The following PATL1 variants were observed in gnomAD, a reference collection of about 807,000 sequenced individuals.
PATL1 encodes the protein protein PAT1 homolog 1.
In PATL1, 32 loss-of-function variants were observed where a neutral mutation model predicts 100.6. The observed-to-expected ratio is 0.32, with a 90% confidence interval of 0.24 to 0.43. The LOEUF (loss-of-function observed/expected upper bound fraction) is 0.43, where lower values mean the gene tolerates loss of function less well. Ranked by LOEUF, PATL1 falls within the 20% of genes least tolerant of loss-of-function variation. PATL1 has a pLI of 1.00. For synonymous variants in PATL1, 332 were observed against 330.0 expected (o/e 1.01, Z -0.07); for missense variants, 747 against 949.9 (o/e 0.79, Z 2.81).
chr11:59,637,969 C>A lies in PATL1; in HGVS notation c.*421G>T. Reference sequence around the variant, plus strand: ...TATATCTTGATTTCTACTTAATTGGCTCTTCTATAGTCATATTAATATGGG... The same window carrying A: ...TATATCTTGATTTCTACTTAATTGGATCTTCTATAGTCATATTAATATGGG... On this transcript the variant is annotated 3_prime_UTR_variant, in exon 19 of 19. Coordinates refer to ENST00000300146, the MANE Select transcript of PATL1 (RefSeq NM_152716.3). The A allele has an allele frequency of 5.2e-6, 1 of 192,402 alleles. No individual in the cohort carries two copies. The allele number at this position is 192,402 out of a possible 1,614,324, so 11.9% of individuals were successfully genotyped here. A position where few individuals can be genotyped will look rare whatever the true frequency, so the allele number is the denominator to read the frequency against.
intron 2 of PATL1, among the ~76,000 whole-genome samples, chr11:59,665,990 A>T (rs1338640101): frequency 6.6e-6 from 1 of 152,006 alleles, no homozygotes; most frequent in Non-Finnish European, 1.5e-5. Context: ...TCCAACTCTT[A>T]AAATATGTAT....
intron 12 of PATL1, among the ~76,000 whole-genome samples, chr11:59,651,021 A>G (rs1218319427): frequency 6.6e-6 from 1 of 152,240 alleles, no homozygotes; most frequent in Admixed American, 6.5e-5. Flanking sequence ...ACAGATAGGC[A>G]AAGGGCAACC....
chr11:59,638,455 A>G (rs1861224349), intron 18 of PATL1, 44 bp from the exon 19 acceptor site: 1 of 1,532,594 alleles, frequency 6.5e-7, no homozygotes, highest in Non-Finnish European at 9.0e-7. Flanking sequence ...TAAATGAGTT[A>G]AAACAGAAGG....
At chr11:59,643,846 T>C (rs1861323830) in intron 15 of PATL1, among the ~76,000 whole-genome samples, 1 of 152,222 alleles carries the variant, frequency 6.6e-6, no homozygotes. Flanking sequence ...TAGCCACAGC[T>C]AGAGCCAGAA....
rs532628686 is a variant in PATL1 at position 59,653,071 on chromosome 11, T to C, written c.1122-53A>G. 27 of 1,474,618 alleles carry C rather than the reference T, an allele frequency of 1.8e-5. No homozygotes were observed. In the African/African-American group the frequency reaches 3.5e-4, roughly 19 times the overall value. The allele number at this position is 1,474,618 out of a possible 1,614,324, so 91.3% of individuals were successfully genotyped here. A position where few individuals can be genotyped will look rare whatever the true frequency, so the allele number is the denominator to read the frequency against. ...ATGTGGGCAAATTAATTACGCTTTT[T>C]AACAACAGAGGAATAAACCAGGCCA... is the stretch of plus-strand genomic sequence containing the variant. On this transcript the variant is annotated intron_variant, in intron 9 of 18. Coordinates refer to ENST00000300146, the MANE Select transcript of PATL1 (RefSeq NM_152716.3).
At chr11:59,654,554 T>C (rs1861497794) in intron 8 of PATL1, among the ~76,000 whole-genome samples, 1 of 152,048 alleles carries the variant, frequency 6.6e-6, no homozygotes, top group South Asian at 2.1e-4. Flanking sequence ...ATAGTCATAT[T>C]TTTACATATC....
At position 59,639,040 on chromosome 11, in the gene PATL1, A is replaced by T. The variant is rs768274256; in HGVS notation, c.2291+8T>A. ...GTGAGATGTGAAACTCTCCTGTTTC[A>T]AACTTACTGCAGTTTTGTCTCCAGC... is the stretch of plus-strand genomic sequence containing the variant. On this transcript the variant is annotated splice_region_variant and intron_variant, in intron 18 of 18. Coordinates refer to ENST00000300146, the MANE Select transcript of PATL1 (RefSeq NM_152716.3). 1.4e-5 allele frequency: 23 copies of T among 1,612,314 alleles called. No individual in the cohort carries two copies. The highest frequency in any genetic ancestry group is 4.0e-5 in the African/African-American group (3 of 74,812).
chr11:59,666,812 A>C (rs1311826166), intron 2 of PATL1, 41 bp downstream of exon 2: 1 of 1,534,676 alleles, frequency 6.5e-7, no homozygotes, highest in Non-Finnish European at 8.8e-7. Flanking sequence ...TGAAAAGAGC[A>C]GGAGGCTAAG....
chr11:59,637,755 C>G lies in PATL1; in HGVS notation c.*635G>C, dbSNP rs1245533821. The G allele has an allele frequency of 6.6e-6, 1 of 152,370 alleles. No individual in the cohort carries two copies. The highest frequency in any genetic ancestry group is 1.5e-5 in the Non-Finnish European group (1 of 68,178). The allele number at this position is 152,370 out of a possible 1,614,324, so 9.4% of individuals were successfully genotyped here. ...TGCATACTCTTTATTTATGTTAAAACAAGTAGAACCCACCAAATTAATTAC... is the reference window on the plus strand; with the variant it reads ...TGCATACTCTTTATTTATGTTAAAAGAAGTAGAACCCACCAAATTAATTAC... On this transcript the variant is annotated 3_prime_UTR_variant, in exon 19 of 19. Coordinates refer to ENST00000300146, the MANE Select transcript of PATL1 (RefSeq NM_152716.3).
Position 59,657,646 on chromosome 11 carries a change from A to G in PATL1, c.505T>C (p.Ser169Pro). The G allele has an allele frequency of 6.2e-7, 1 of 1,613,742 alleles. No individual in the cohort carries two copies. Among genetic ancestry groups the G allele is most frequent in the Middle Eastern group, 1.7e-4 (1 of 5,880 alleles). ...PQGPEDDRDL[S>P]ERALPRRSTS... ...GACCGCCTTGGTAATGCTCGTTCAG[A>G]AAGGTCCCGATCATCTTCTGGACCC... Residue 169 changes from serine to proline, a missense_variant, in exon 5 of 19, where the codon TCT (serine) becomes CCT (proline). By Grantham distance (74) the Ser-to-Pro change is moderately conservative (BLOSUM62 -1). Around this residue, in one of 4 missense-constraint regions of PATL1, gnomAD observed 183 missense variants for 221.2 expected, o/e 0.83. Coordinates refer to ENST00000300146, the MANE Select transcript of PATL1 (RefSeq NM_152716.3).
chr11:59,650,959 G>T, intron 12 of PATL1, 146 bp from the exon 13 acceptor site: 1 of 607,926 alleles, frequency 1.6e-6, no homozygotes, highest in Non-Finnish European at 2.8e-6. Flanking sequence ...ACCCTAGTAT[G>T]AACAAAGGTC....
chr11:59,647,930 T>A lies in PATL1; in HGVS notation c.1734-17A>T. On this transcript the variant is annotated splice_polypyrimidine_tract_variant and intron_variant, in intron 14 of 18. Coordinates refer to ENST00000300146, the MANE Select transcript of PATL1 (RefSeq NM_152716.3). ...TCACTAGGCCTGCAAGGAAGAAAAA[T>A]GCCAGCTTAGGTCAGCAAGAACAAT... 6.3e-7 allele frequency: 1 copy of A among 1,583,670 alleles called. No individual in the cohort carries two copies. The highest frequency in any genetic ancestry group is 1.1e-5 in the South Asian group (1 of 87,768).
chr11:59,659,084 T>C, intron 3 of PATL1, 138 bp from the exon 4 acceptor site: 2 of 1,007,312 alleles, frequency 2.0e-6, no homozygotes, highest in South Asian at 1.5e-5. Flanking sequence ...GAATATACAT[T>C]ATTCCCCAAG....
At chr11:59,668,124 G>A (rs1190434146) in intron 1 of PATL1, among the ~76,000 whole-genome samples, 2 of 152,120 alleles carry the variant, frequency 1.3e-5, no homozygotes, top group Admixed American at 6.5e-5. Context: ...TTACCAAATC[G>A]CTGCTTTTTT....
chr11:59,648,581 T>C (rs537463130), intron 14 of PATL1, among the ~76,000 whole-genome samples: 1 of 152,120 alleles, frequency 6.6e-6, no homozygotes, highest in African/African-American at 2.4e-5. Context: ...AGTGTTACCA[T>C]TTTAAACAAC....
intron 14 of PATL1, among the ~76,000 whole-genome samples, chr11:59,648,185 CTTTT>C (rs887689437): frequency 1.5e-5 from 2 of 130,470 alleles, no homozygotes; most frequent in African/African-American, 2.9e-5. Flanking sequence ...AACTTTTTTT[CTTTT>C]TTTTTTTTTT....
intron 5 of PATL1, 65 bp from the exon 6 acceptor site, chr11:59,656,665 C>A: frequency 7.2e-7 from 1 of 1,387,270 alleles, no homozygotes; most frequent in East Asian, 2.3e-5. Flanking sequence ...CCTACACTCC[C>A]TCCCCTCAAG....
Position 59,656,508 on chromosome 11 carries a change from G to A in PATL1, c.714C>T (p.Cys238=). 6.2e-7 allele frequency: 1 copy of A among 1,613,470 alleles called. No individual in the cohort carries two copies. The highest frequency in any genetic ancestry group is 1.1e-5 in the South Asian group (1 of 91,058). ...GCTTAAAGTGACATACCGGGACACTGCAGAGCTGGTTTGGAGACATCCTCT... is the reference window on the plus strand; with the variant it reads ...GCTTAAAGTGACATACCGGGACACTACAGAGCTGGTTTGGAGACATCCTCT... ...YGERMSPNQL[C]SVPNSSLLGH... is the part of the protein sequence containing the mutation. The change falls in exon 6 of 19, where the codon TGC becomes TGT. Residue 238 remains cysteine, a synonymous_variant. Transcript: ENST00000300146.
intron 15 of PATL1, among the ~76,000 whole-genome samples, chr11:59,646,240 T>C (rs1023434961): frequency 2.0e-5 from 3 of 152,078 alleles, no homozygotes; most frequent in Non-Finnish European, 2.9e-5. Context: ...AAACCTCAAA[T>C]ACTGGAACTT....
Sources: allele counts gnomAD v4.1 joint callset (sites outside exome capture counted in the v4.1 genomes callset), GRCh38; gene constraint gnomAD v4.1.1; regional missense constraint gnomAD v4.1.1; transcripts MANE v1.5; gene names NCBI Gene and HGNC (gene_info 2026-07-23, HGNC 2026-07-21).